The following SLC2A5 variants were observed in gnomAD, a reference collection of about 807,000 sequenced individuals.
SLC2A5 encodes the protein solute carrier family 2, facilitated glucose transporter member 5.
Under a neutral mutation model 50.3 loss-of-function variants are expected in SLC2A5, and 56 were observed. That is an observed-to-expected ratio of 1.11 (90% CI 0.90 to 1.39). SLC2A5 has a LOEUF of 1.39. SLC2A5 is among the 40% of genes most tolerant of loss of function. SLC2A5 has a pLI of 0.00. For synonymous variants in SLC2A5, 269 were observed against 281.9 expected (o/e 0.95, Z 0.46); for missense variants, 566 against 650.1 (o/e 0.87, Z 1.41).
At chr1:9,066,061 A>C (rs1326618879) in intron 1 of SLC2A5, among the ~76,000 whole-genome samples, 1 of 152,180 alleles carries the variant, frequency 6.6e-6, no homozygotes, top group Non-Finnish European at 1.5e-5. Context: ...GGGTTAATTA[A>C]TCCATTAATT....
chr1:9,068,544 C>A (rs943609637), intron 1 of SLC2A5, among the ~76,000 whole-genome samples: 2 of 151,124 alleles, frequency 1.3e-5, no homozygotes, highest in African/African-American at 4.9e-5. Flanking sequence ...CTCTGTTTCC[C>A]AGGTTCAAGT....
At chr1:9,060,648 AC>A (rs1445075489) in intron 1 of SLC2A5, among the ~76,000 whole-genome samples, 1 of 66,218 alleles carries the variant, frequency 1.5e-5, no homozygotes, top group African/African-American at 5.9e-5. Context: ...CAGCCCACAC[AC>A]CCCCCACACA....
intron 2 of SLC2A5, among the ~76,000 whole-genome samples, chr1:9,081,767 C>T (rs1015541447): frequency 6.6e-6 from 1 of 151,798 alleles, no homozygotes; most frequent in Non-Finnish European, 1.5e-5. Flanking sequence ...GGCTATCATA[C>T]TTAAAAAAAA....
chr1:9,068,671 C>T (rs1236838021), intron 1 of SLC2A5, among the ~76,000 whole-genome samples: 5 of 151,998 alleles, frequency 3.3e-5, no homozygotes, highest in South Asian at 2.1e-4. Flanking sequence ...AGGCTGGTCT[C>T]GAACTGCTGA....
In SLC2A5 at chr1:9,060,551, CCA is replaced by C. The variant is rs200134369; in HGVS notation, c.34-2303_34-2302del. 5.3e-3 allele frequency among the ~76,000 whole-genome samples: 743 copies of C among 140,034 alleles called. 9 individuals are homozygous for C. Among genetic ancestry groups the C allele is most frequent in the African/African-American group, 0.019 (712 of 37,594 alleles). 91.9% of individuals were successfully genotyped at this position (140,034 alleles called of 152,430 possible). ...ATCATACACACACCACACACATACC[CCA>C]CACACACACCACACACATACACACC... On this transcript the variant is annotated intron_variant, in intron 1 of 11. Coordinates refer to ENST00000377424, the MANE Select transcript of SLC2A5 (RefSeq NM_003039.3).
intron 1 of SLC2A5, among the ~76,000 whole-genome samples, chr1:9,063,975 G>A (rs1557678834): frequency 6.6e-6 from 1 of 151,292 alleles, no homozygotes; most frequent in African/African-American, 2.4e-5. Flanking sequence ...GATTACAGGC[G>A]TGAGCCACCG....
At position 9,058,179 on chromosome 1, in the gene SLC2A5, G is replaced by A. The variant is rs535453938; in HGVS notation, c.105C>T (p.Asn35=). The change falls in exon 2 of 12, where the codon AAC becomes AAT. Residue 35 remains asparagine (N), a synonymous_variant. Coordinates refer to ENST00000377424, the MANE Select transcript of SLC2A5 (RefSeq NM_003039.3). ...AFGSSFQYGY[N]VAAVNSPALL... ...GTGCTGGGGAGTTGACAGCAGCCACGTTGTACCCATACTGGAAGGATGACC... is the reference window on the plus strand; with the variant it reads ...GTGCTGGGGAGTTGACAGCAGCCACATTGTACCCATACTGGAAGGATGACC... The A allele has an allele frequency of 1.4e-4, 229 of 1,613,818 alleles. 2 individuals are homozygous for A. The highest frequency in any genetic ancestry group is 8.9e-4 in the South Asian group (81 of 91,074).
At chr1:9,047,884 A>G (rs570700297) in intron 3 of SLC2A5, 150 bp from the exon 4 acceptor site, 1 of 763,532 alleles carries the variant, frequency 1.3e-6, no homozygotes, top group Non-Finnish European at 2.1e-6. Flanking sequence ...AGACTGATAC[A>G]GGTCAAGTGC....
rs188454115 is a variant in SLC2A5 at position 9,038,393 on chromosome 1, G to A, written c.1174+38C>T. ...CAGCCCGGAGCTTCTGGGACCAGGG[G>A]GGGTTGTGACACCCTGAGGCCAGCT... On this transcript the variant is annotated intron_variant, in intron 10 of 11. Coordinates refer to ENST00000377424, the MANE Select transcript of SLC2A5 (RefSeq NM_003039.3). The A allele has an allele frequency of 8.5e-4, 1,255 of 1,474,206 alleles. 3 individuals are homozygous for A. Among genetic ancestry groups the A allele is most frequent in the Non-Finnish European group, 1.1e-3 (1,120 of 1,053,508 alleles). 91.3% of individuals were successfully genotyped at this position (1,474,206 alleles called of 1,614,324 possible).
At chr1:9,054,440 G>A (rs1026590159) in intron 3 of SLC2A5, among the ~76,000 whole-genome samples, 2 of 152,050 alleles carry the variant, frequency 1.3e-5, no homozygotes, top group African/African-American at 2.4e-5. Context: ...TCTTTCTTCC[G>A]GGATTTTGAG....
intron 4 of SLC2A5, among the ~76,000 whole-genome samples, chr1:9,042,202 G>A (rs1557663711): frequency 6.6e-6 from 1 of 152,114 alleles, no homozygotes; most frequent in Admixed American, 6.5e-5. Context: ...CGGCCTTCCC[G>A]CTCCCTGGCC....
At chr1:9,077,568 C>G (rs1642301011) in intron 2 of SLC2A5, among the ~76,000 whole-genome samples, 1 of 149,936 alleles carries the variant, frequency 6.7e-6, no homozygotes, top group Non-Finnish European at 1.5e-5. Context: ...TAGTGAAACC[C>G]CATCTCCACT....
chr1:9,049,286 T>A (rs1335512704), intron 3 of SLC2A5: 1 of 436,996 alleles, frequency 2.3e-6, no homozygotes, highest in Non-Finnish European at 4.6e-6. Flanking sequence ...GACAACAGAA[T>A]CAGACTGGAC....
chr1:9,083,916 G>A (rs1022088656), intron 2 of SLC2A5, among the ~76,000 whole-genome samples: 12 of 152,208 alleles, frequency 7.9e-5, no homozygotes, highest in Admixed American at 5.2e-4. Flanking sequence ...AGGCCGAGGC[G>A]GGCGGATCAC....
chr1:9,069,903 T>G, upstream of SLC2A5: 1 of 202,860 alleles, frequency 4.9e-6, no homozygotes, highest in Non-Finnish European at 1.0e-5. Flanking sequence ...ACAACAGCTG[T>G]CCTCCACCCT....
intron 1 of SLC2A5, among the ~76,000 whole-genome samples, chr1:9,058,509 A>T (rs1641821922): frequency 6.6e-6 from 1 of 152,196 alleles, no homozygotes; most frequent in Admixed American, 6.5e-5. Context: ...TCCTGTGAAC[A>T]TGGTGCCAGT....
Position 9,039,640 on chromosome 1 carries a change from A to C in SLC2A5, c.908T>G (p.Ile303Ser). The change falls in exon 8 of 12, where the codon ATC (isoleucine) becomes AGC (serine). Residue 303 changes from isoleucine (I) to serine (S), a missense_variant. Ile to Ser is a moderately radical substitution (Grantham distance 142). Coordinates refer to ENST00000377424, the MANE Select transcript of SLC2A5 (RefSeq NM_003039.3). ...VNAIYYYADQ[I>S]YLSAGVPEEH... The stretch of plus-strand genomic sequence containing the variant: ...CTCCGGCACGCCGGCGCTCAGGTAG[A>C]TCTGGTCCGCGTAGTAGTAGATCTG... 1 of 1,558,286 alleles carries C rather than the reference A, an allele frequency of 6.4e-7. No homozygotes were observed. Among genetic ancestry groups the C allele is most frequent in the Non-Finnish European group, 8.7e-7 (1 of 1,152,038 alleles).
intron 1 of SLC2A5, among the ~76,000 whole-genome samples, chr1:9,086,383 CTCTCT>C (rs1004325211): frequency 7.6e-6 from 1 of 131,126 alleles, no homozygotes; most frequent in African/African-American, 3.2e-5. Context: ...TTCTTTTTCT[CTCTCT>C]TTTTTTTTTT....
At chr1:9,043,106 C>T (rs1207786820) in intron 4 of SLC2A5, among the ~76,000 whole-genome samples, 1 of 152,108 alleles carries the variant, frequency 6.6e-6, no homozygotes, top group African/African-American at 2.4e-5. Flanking sequence ...CATCCAGAGG[C>T]TGGGGATGGA....
Sources: allele counts gnomAD v4.1 joint callset (sites outside exome capture counted in the v4.1 genomes callset), GRCh38; gene constraint gnomAD v4.1.1; transcripts MANE v1.5; gene names NCBI Gene and HGNC (gene_info 2026-07-23, HGNC 2026-07-21).